Variants in NXN observed in about 807,000 individuals in gnomAD.
NXN encodes the protein nucleoredoxin.
NXN carries 16 observed loss-of-function variants against 48.6 expected under a neutral mutation model. That is an observed-to-expected ratio of 0.33 (90% CI 0.22 to 0.50). The LOEUF is 0.50. Ranked by LOEUF, NXN falls within the 20% of genes least tolerant of loss-of-function variation. The pLI, the probability that NXN is intolerant of heterozygous loss-of-function variation, is 0.98. For synonymous variants in NXN, 281 were observed against 269.6 expected (o/e 1.04, Z -0.41); for missense variants, 492 against 605.5 (o/e 0.81, Z 1.97).
At position 979,413 on chromosome 17, in the gene NXN, A is replaced by T; in HGVS notation, c.266T>A (p.Val89Asp). Residue 89 changes from valine (V) to aspartate (D), a missense_variant, in exon 1 of 8, where the codon GTC becomes GAC. By Grantham distance (152) the Val-to-Asp change is radical. Transcript: ENST00000336868. ...EPEPRRRLEI[V>D]FVSSDQDQRQ... ...CTGGTCCTGGTCCGAGGACACGAAG[A>T]CGATCTCCAGGCGCCGCCGCGGCTC... 1 of 1,397,888 alleles carries T rather than the reference A, an allele frequency of 7.2e-7. No homozygotes were observed. Among genetic ancestry groups the T allele is most frequent in the Non-Finnish European group, 9.4e-7 (1 of 1,061,856 alleles). 86.6% of individuals were successfully genotyped at this position (1,397,888 alleles called of 1,614,324 possible). A position where few individuals can be genotyped will look rare whatever the true frequency, so the allele number is the denominator to read the frequency against.
At chr17:864,085 G>A in intron 1 of NXN, 1 of 1,423,534 alleles carries the variant, frequency 7.0e-7, no homozygotes, top group Non-Finnish European at 9.1e-7. Flanking sequence ...AGTTACCGTT[G>A]CTCGGTTCCG....
chr17:864,820 C>G (rs928691114), intron 1 of NXN, among the ~76,000 whole-genome samples: 1 of 152,140 alleles, frequency 6.6e-6, no homozygotes. Flanking sequence ...CTCCTGAAAA[C>G]GGAGGCAACC....
intron 1 of NXN, among the ~76,000 whole-genome samples, chr17:835,986 G>A (rs1447204918): frequency 2.2e-5 from 1 of 44,954 alleles, no homozygotes; most frequent in Non-Finnish European, 4.3e-5. Context: ...CATAGAGGCC[G>A]CAGGGAAAAA....
At chr17:835,701 C>T (rs939819535) in intron 1 of NXN, among the ~76,000 whole-genome samples, 1 of 132,786 alleles carries the variant, frequency 7.5e-6, no homozygotes, top group Non-Finnish European at 1.6e-5. Flanking sequence ...CGGTGGGATT[C>T]GTCAGCCTCA....
chr17:961,212 G>C (rs544137611), intron 1 of NXN, among the ~76,000 whole-genome samples: 3 of 152,064 alleles, frequency 2.0e-5, no homozygotes, highest in Middle Eastern at 3.4e-3. Flanking sequence ...TGGCCAACAC[G>C]ACAAAAGCCC....
rs1326824612 is a variant in NXN at position 835,112 on chromosome 17, T to A, written c.361-9034A>T. 1.6e-4 allele frequency among the ~76,000 whole-genome samples: 24 copies of A among 150,532 alleles called. No homozygotes were observed. The East Asian group carries it at 3.5e-3, about 22-fold the overall frequency. On this transcript the variant is annotated intron_variant, in intron 1 of 7. Coordinates refer to ENST00000336868, the MANE Select transcript of NXN (RefSeq NM_022463.5). ...TCACAAGGTCAGGAGATCGAGACCA[T>A]CCTGGCTAACATGGTGAAACCCTGT...
rs576186890 is a variant in NXN, at chr17:877,291, C to T, written c.361-51213G>A. Among the ~76,000 whole-genome samples the T allele has an allele frequency of 9.9e-5, 15 of 151,834 alleles. No individual in the cohort carries two copies. The East Asian group carries it at 1.8e-3, about 18-fold the overall frequency. On this transcript the variant is annotated intron_variant, in intron 1 of 7. Coordinates refer to ENST00000336868, the MANE Select transcript of NXN (RefSeq NM_022463.5). ...GCCTCCTGGTAGCTGAGACTACTGG[C>T]GCCCGCCACCAAGCCCGGCTAATTT...
rs551904234 is a variant in NXN at position 806,406 on chromosome 17, A to G, written c.821-1159T>C. Among the ~76,000 whole-genome samples the G allele has an allele frequency of 3.9e-5, 6 of 151,928 alleles. No homozygotes were observed. The East Asian group carries it at 7.9e-4, about 20-fold the overall frequency. Reference sequence around the variant, plus strand: ...CGCAACCCCAGCCAAAAAGCCTTCAATGAAAACTCAGAGAAAGCCCCACTC... The same window carrying G: ...CGCAACCCCAGCCAAAAAGCCTTCAGTGAAAACTCAGAGAAAGCCCCACTC... On this transcript the variant is annotated intron_variant, in intron 5 of 7. Transcript: ENST00000336868.
intron 1 of NXN, among the ~76,000 whole-genome samples, chr17:904,068 A>AT (rs2068560698): frequency 2.0e-5 from 3 of 152,130 alleles, no homozygotes; most frequent in Admixed American, 6.5e-5. Context: ...TTTAACGTAA[A>AT]TTTTTTTGGA....
rs561105779 is a variant in NXN at position 943,833 on chromosome 17, GA to G, written c.360+35485del. Among the ~76,000 whole-genome samples, 107 of 146,828 alleles carry G rather than the reference GA, an allele frequency of 7.3e-4. 1 individual carries two copies. Among genetic ancestry groups the G allele is most frequent in the Non-Finnish European group, 8.9e-4 (59 of 66,360 alleles). ...GAGTATGACTCCGTCTCTAAAAAAG[GA>G]AAAAAAAATGGTGAAGACAGTAAAT... On this transcript the variant is annotated intron_variant, in intron 1 of 7. Transcript: ENST00000336868.
At chr17:818,784 C>A (rs1318221631) in intron 5 of NXN, among the ~76,000 whole-genome samples, 2 of 150,908 alleles carry the variant, frequency 1.3e-5, no homozygotes, top group African/African-American at 4.9e-5. Context: ...ACTGGGGAGG[C>A]TGAGGCAGGA....
chr17:916,513 C>G (rs1182993149), intron 1 of NXN, among the ~76,000 whole-genome samples: 6 of 152,156 alleles, frequency 3.9e-5, no homozygotes, highest in Admixed American at 2.0e-4. Context: ...TTCAGACAGT[C>G]CCTCCTGGTA....
At chr17:866,996 T>C (rs1226825) in intron 1 of NXN, among the ~76,000 whole-genome samples, 3,933 of 75,046 alleles carry the variant, frequency 0.052, no homozygotes, top group Middle Eastern at 0.2. Flanking sequence ...TCCGGGGAAT[T>C]CTCCAGCTTG....
chr17:805,635 G>C (rs1209656226), intron 5 of NXN, among the ~76,000 whole-genome samples: 1 of 151,590 alleles, frequency 6.6e-6, no homozygotes, highest in African/African-American at 2.4e-5. Context: ...TCAGGAGTTG[G>C]AGACCAGCCT....
intron 5 of NXN, among the ~76,000 whole-genome samples, chr17:811,919 G>GGTTTT (rs1567811795): frequency 8.0e-6 from 1 of 125,602 alleles, no homozygotes; most frequent in African/African-American, 3.1e-5. Context: ...ACCCAGTTCT[G>GGTTTT]CTTTTTTTTT....
intron 6 of NXN, 48 bp downstream of exon 6, chr17:805,020 T>TCCCCCCCCCCCCCCCCCCCCCCC: frequency 2.0e-6 from 3 of 1,512,882 alleles, no homozygotes; most frequent in Non-Finnish European, 2.7e-6. Flanking sequence ...GCCCCTCCTG[T>TCCCCCCCCCCCCCCCCCCCCCCC]CCCGCCCCCC....
chr17:811,178 C>T (rs1349740476), intron 5 of NXN, among the ~76,000 whole-genome samples: 3 of 152,278 alleles, frequency 2.0e-5, no homozygotes, highest in East Asian at 3.9e-4. Context: ...GAGGATTCAA[C>T]GCTGGAGGAG....
At chr17:819,619 C>A (rs920344467) in intron 4 of NXN, 74 bp from the exon 5 acceptor site, 2 of 1,070,308 alleles carry the variant, frequency 1.9e-6, no homozygotes, top group South Asian at 1.5e-5. Context: ...CCACCTCTGC[C>A]GAGTTCTGCC....
intron 1 of NXN, among the ~76,000 whole-genome samples, chr17:943,118 C>T (rs915714596): frequency 1.3e-5 from 2 of 152,244 alleles, no homozygotes; most frequent in East Asian, 1.9e-4. Context: ...CACCAACATA[C>T]TTCATCGTTT....
Sources: gnomAD v4.1 joint callset for allele counts (sites outside exome capture counted in the v4.1 genomes callset) on GRCh38, gnomAD v4.1.1 for gene constraint, MANE v1.5 for transcripts, NCBI Gene and HGNC (gene_info 2026-07-23, HGNC 2026-07-21) for gene names.